FRMD6: variants seen among roughly 807,000 people sequenced by gnomAD.
FRMD6 encodes FERM domain containing 6, also known as FERM domain-containing protein 6.
A neutral mutation model predicts 73.2 loss-of-function variants in FRMD6; 37 were observed. That is an observed-to-expected ratio of 0.51 (90% CI 0.39 to 0.66). The LOEUF is 0.66. FRMD6 is among the 30% of genes least tolerant of loss of function. The pLI is 0.00. For synonymous variants in FRMD6, 273 were observed against 282.2 expected (o/e 0.97, Z 0.33); for missense variants, 714 against 780.5 (o/e 0.91, Z 1.02).
chr14:51,674,449 C>G (rs1894241986), intron 1 of FRMD6, among the ~76,000 whole-genome samples: 1 of 152,040 alleles, frequency 6.6e-6, no homozygotes, highest in Non-Finnish European at 1.5e-5. Context: ...TGCCTGCTGA[C>G]TTGGAATAGT....
At chr14:51,713,994 T>G (rs1327946779) in intron 9 of FRMD6, 1 of 152,146 alleles carries the variant, frequency 6.6e-6, no homozygotes, top group Non-Finnish European at 1.5e-5. Flanking sequence ...AAGATACATA[T>G]TTTTGGGCCT....
chr14:51,714,462 C>G (rs1453198089), intron 9 of FRMD6: 2 of 152,202 alleles, frequency 1.3e-5, no homozygotes, highest in Non-Finnish European at 2.9e-5. Flanking sequence ...ATCTGAAATA[C>G]TCCTTTTTGT....
intron 1 of FRMD6, among the ~76,000 whole-genome samples, chr14:51,530,478 C>CTAT (rs1885519857): frequency 6.6e-6 from 1 of 151,970 alleles, no homozygotes; most frequent in South Asian, 2.1e-4. Context: ...TTGTGAGTTA[C>CTAT]TATTATTATT....
At chr14:51,705,137 G>A (rs1896549132) in intron 6 of FRMD6, among the ~76,000 whole-genome samples, 1 of 152,038 alleles carries the variant, frequency 6.6e-6, no homozygotes, top group Non-Finnish European at 1.5e-5. Context: ...GTGGGGTAGA[G>A]AATTGCCATC....
At chr14:51,594,097 T>C (rs574789592) in intron 2 of FRMD6, among the ~76,000 whole-genome samples, 37 of 152,140 alleles carry the variant, frequency 2.4e-4, no homozygotes, top group African/African-American at 8.9e-4. Context: ...CCTCCAGAGA[T>C]TTACTAAGAA....
rs528758254 is a variant in FRMD6 at position 51,557,411 on chromosome 14, A to G, written c.-209-12937A>G. 1.5e-3 allele frequency among the ~76,000 whole-genome samples: 231 copies of G among 152,286 alleles called. 2 individuals carry two copies. Among genetic ancestry groups the G allele is most frequent in the African/African-American group, 5.3e-3 (221 of 41,556 alleles). Reference sequence around the variant, plus strand: ...CCAGGCACAGAAAGCCAAATACAGCATGATCTCACCTCTTTGTAGAATCTA... The same window carrying G: ...CCAGGCACAGAAAGCCAAATACAGCGTGATCTCACCTCTTTGTAGAATCTA... On this transcript the variant is annotated intron_variant, in intron 1 of 14. Transcript: ENST00000356218.
intron 1 of FRMD6, among the ~76,000 whole-genome samples, chr14:51,513,480 G>A (rs996779261): frequency 1.3e-5 from 2 of 152,126 alleles, no homozygotes; most frequent in Non-Finnish European, 2.9e-5. Flanking sequence ...AGAAAACCCC[G>A]GGCCAGGCCT....
intron 1 of FRMD6, among the ~76,000 whole-genome samples, chr14:51,666,492 A>T (rs1033815857): frequency 1.3e-5 from 2 of 152,222 alleles, no homozygotes; most frequent in African/African-American, 4.8e-5. Context: ...TGTTATTAAG[A>T]AGTAGAGGTG....
the FRMD6 span, among the ~76,000 whole-genome samples, chr14:51,456,049 T>C: frequency 6.6e-6 from 1 of 152,202 alleles, no homozygotes; most frequent in Non-Finnish European, 1.5e-5. Flanking sequence ...CAGACGCGGA[T>C]AAAGTCTTAG....
intron 1 of FRMD6, among the ~76,000 whole-genome samples, chr14:51,562,038 C>T (rs1050402186): frequency 4.6e-5 from 7 of 152,116 alleles, no homozygotes; most frequent in South Asian, 4.1e-4. Context: ...AGATTCCCAC[C>T]GTGGCTTTTT....
chr14:51,644,872 C>T (rs2140048840), intron 2 of FRMD6, among the ~76,000 whole-genome samples: 1 of 152,274 alleles, frequency 6.6e-6, no homozygotes, highest in Middle Eastern at 3.4e-3. Flanking sequence ...ATTTCCTCGC[C>T]CCCAGTCTTC....
At chr14:51,463,405 T>C in the FRMD6 span, among the ~76,000 whole-genome samples, 1 of 152,184 alleles carries the variant, frequency 6.6e-6, no homozygotes, top group Non-Finnish European at 1.5e-5. Flanking sequence ...TTCAGTGTAG[T>C]ACTTGGTGCA....
At chr14:51,645,338 A>C (rs1892015898) in intron 2 of FRMD6, among the ~76,000 whole-genome samples, 1 of 152,198 alleles carries the variant, frequency 6.6e-6, no homozygotes, top group East Asian at 1.9e-4. Context: ...CCAAATCCCA[A>C]CCACCATGGA....
At chr14:51,449,194 G>C in the FRMD6 span, among the ~76,000 whole-genome samples, 1 of 152,210 alleles carries the variant, frequency 6.6e-6, no homozygotes, top group African/African-American at 2.4e-5. Context: ...CATGACTTCA[G>C]AGGGAGTTTC....
chr14:51,490,622 G>GTGTGTGTGTGTGTGTGTGTA (rs1444778025), intron 1 of FRMD6, among the ~76,000 whole-genome samples: 5 of 151,858 alleles, frequency 3.3e-5, no homozygotes, highest in African/African-American at 1.2e-4. Flanking sequence ...TATTTTGTGT[G>GTGTGTGTGTGTGTGTGTGTA]TGTGTGTGTG....
upstream of FRMD6, among the ~76,000 whole-genome samples, chr14:51,488,532 T>A (rs185936845): frequency 6.6e-6 from 1 of 152,250 alleles, no homozygotes; most frequent in Admixed American, 6.5e-5. Context: ...ACTGTAGTAC[T>A]ACCACCTTCT....
chr14:51,420,290 G>A, the FRMD6 span, among the ~76,000 whole-genome samples: 206 of 152,260 alleles, frequency 1.4e-3, 1 homozygote, highest in African/African-American at 4.9e-3. Flanking sequence ...TGCAAGACGT[G>A]GTTAAAAAAT....
intron 13 of FRMD6, among the ~76,000 whole-genome samples, 195 bp downstream of exon 13, chr14:51,726,065 T>G (rs1259549997): frequency 1.3e-5 from 2 of 152,376 alleles, no homozygotes; most frequent in East Asian, 3.9e-4. Context: ...GAGTTGATTT[T>G]TACTTAGATA....
the FRMD6 span, among the ~76,000 whole-genome samples, chr14:51,439,705 C>CATGGGATTTGA: frequency 6.6e-6 from 1 of 152,314 alleles, no homozygotes; most frequent in Non-Finnish European, 1.5e-5. Flanking sequence ...CTCCAGCACA[C>CATGGGATTTGA]ATCACCTCAT....
Sources: allele counts gnomAD v4.1 joint callset (sites outside exome capture counted in the v4.1 genomes callset), GRCh38; gene constraint gnomAD v4.1.1; transcripts MANE v1.5; gene names NCBI Gene and HGNC (gene_info 2026-07-23, HGNC 2026-07-21).